The following MAP1A variants were observed in gnomAD, a reference collection of about 807,000 sequenced individuals.
MAP1A encodes microtubule-associated protein 1A.
A neutral mutation model predicts 185.9 loss-of-function variants in MAP1A; 42 were observed. The ratio of observed to expected loss-of-function variants is 0.23; its 90% CI spans 0.18 to 0.29. MAP1A has a LOEUF of 0.29. MAP1A is among the 10% of genes least tolerant of loss of function. The pLI is 1.00. For missense variants in MAP1A, 2,995 were observed against 3,450.4 expected, an observed-to-expected ratio of 0.87 and a Z score of 3.31; for synonymous variants, 1,229 against 1,335.9, an observed-to-expected ratio of 0.92 and a Z score of 1.74.
In MAP1A at chr15:43,524,546, C is replaced by A. The variant is rs1894288; in HGVS notation, c.3073C>A (p.Gln1025Lys). The change falls in exon 4 of 6, where the codon CAG becomes AAG. Residue 1025 changes from glutamine to lysine, a missense_variant. Gln to Lys is a moderately conservative substitution (Grantham distance 53, BLOSUM62 1). Around this residue, in one of 3 missense-constraint regions of MAP1A, gnomAD observed 2,728 missense variants for 2,986.0 expected, o/e 0.91. Transcript: ENST00000300231. ...AGAAAAGTCTGAGCCCCAAGACTTT[C>A]AGGAGGCAGACTCCTGGGGAGACAC... Reference protein sequence around the residue: ...VEEKSEPQDFQEADSWGDTKR... With the variant: ...VEEKSEPQDFKEADSWGDTKR... 2.5e-6 allele frequency: 4 copies of A among 1,614,144 alleles called. No homozygotes were observed. Among genetic ancestry groups the A allele is most frequent in the Non-Finnish European group, 8.5e-7 (1 of 1,180,022 alleles).
rs1483312398 is a variant in MAP1A, at chr15:43,525,923, G to T, written c.4450G>T (p.Val1484Phe). 6 of 1,613,830 alleles carry T rather than the reference G, an allele frequency of 3.7e-6. No homozygotes were observed. Among genetic ancestry groups the T allele is most frequent in the African/African-American group, 1.3e-5 (1 of 74,920 alleles). Residue 1484 changes from valine to phenylalanine, a missense_variant, in exon 4 of 6, where the codon GTC becomes TTC. Val to Phe is a conservative substitution (Grantham distance 50, BLOSUM62 -1). This residue lies in a region of MAP1A where 2,728 missense variants were observed against 2,986.0 expected (regional missense o/e 0.91). Coordinates refer to ENST00000300231, the MANE Select transcript of MAP1A (RefSeq NM_002373.6). ...TAAAGACTTGGAACAAAAGGACAGG[G>T]TCCTAGAACAGAAGGAGAAGATCCC... ...KDKDLEQKDR[V>F]LEQKEKIPEE...
Position 43,527,734 on chromosome 15 carries a change from T to C in MAP1A, c.6261T>C (p.Asp2087=). 2 of 1,609,952 alleles carry C rather than the reference T, an allele frequency of 1.2e-6. No homozygotes were observed. Among genetic ancestry groups the C allele is most frequent in the Non-Finnish European group, 1.7e-6 (2 of 1,178,644 alleles). Residue 2087 remains aspartate (D), a synonymous_variant, in exon 4 of 6, where the codon GAT becomes GAC. Coordinates refer to ENST00000300231, the MANE Select transcript of MAP1A (RefSeq NM_002373.6). ...GTAACATCCTGAGCTGCAGCCCAGA[T>C]AGGAGGTCCCCATCCCCCAAGGAAT... ...LNGNILSCSP[D]RRSPSPKESG...
At position 43,523,099 on chromosome 15, in the gene MAP1A, G is replaced by C; in HGVS notation, c.1626G>C (p.Glu542Asp). The C allele has an allele frequency of 6.2e-7, 1 of 1,614,218 alleles. No individual in the cohort carries two copies. Among genetic ancestry groups the C allele is most frequent in the Non-Finnish European group, 8.5e-7 (1 of 1,180,036 alleles). The change falls in exon 4 of 6, where the codon GAG becomes GAC. Residue 542 changes from glutamate (E) to aspartate (D), a missense_variant. Around this residue, in one of 3 missense-constraint regions of MAP1A, gnomAD observed 2,728 missense variants for 2,986.0 expected, o/e 0.91. Transcript: ENST00000300231. ...TQDFEEMKRE[E>D]RALLAEQRDT... ...ACTTTGAGGAGATGAAGCGTGAGGA[G>C]AGGGCTTTGCTGGCTGAACAAAGGG... is the stretch of plus-strand genomic sequence containing the variant.
chr15:43,525,686 G>A lies in MAP1A; in HGVS notation c.4213G>A (p.Asp1405Asn). Residue 1405 changes from aspartate (D) to asparagine (N), a missense_variant, in exon 4 of 6, where the codon GAT (aspartate) becomes AAT (asparagine). Coordinates refer to ENST00000300231, the MANE Select transcript of MAP1A (RefSeq NM_002373.6). ...HVKNEAVKQQ[D>N]KALEQKGRDL... is the part of the protein sequence containing the mutation. The stretch of plus-strand genomic sequence containing the variant: ...AAAGAATGAGGCTGTGAAACAGCAG[G>A]ATAAGGCTTTAGAACAAAAGGGCAG... 6.2e-7 allele frequency: 1 copy of A among 1,614,138 alleles called. No individual in the cohort carries two copies. Among genetic ancestry groups the A allele is most frequent in the Non-Finnish European group, 8.5e-7 (1 of 1,180,028 alleles).
upstream of MAP1A, among the ~76,000 whole-genome samples, chr15:43,514,947 G>A (rs2079292827): frequency 6.6e-6 from 1 of 152,212 alleles, no homozygotes; most frequent in Non-Finnish European, 1.5e-5. Flanking sequence ...CGGGCATGGT[G>A]GCTTATGCCT....
In MAP1A at chr15:43,526,785, G is replaced by C. The variant is rs200045630; in HGVS notation, c.5312G>C (p.Arg1771Pro). The C allele has an allele frequency of 1.9e-6, 3 of 1,614,118 alleles. No individual in the cohort carries two copies. The highest frequency in any genetic ancestry group is 2.5e-6 in the Non-Finnish European group (3 of 1,180,012). Residue 1771 changes from arginine (R) to proline (P), a missense_variant, in exon 4 of 6, where the codon CGC becomes CCC. This residue lies in a region of MAP1A where 2,728 missense variants were observed against 2,986.0 expected (regional missense o/e 0.91). Coordinates refer to ENST00000300231, the MANE Select transcript of MAP1A (RefSeq NM_002373.6). This position sits in a 1 kb window ranked among gnomAD's most constrained non-coding sequence, Gnocchi z 4.7. ...SSPQKGLEVE[R>P]WLAESPVGLP... ...CCACAGAAGGGGCTAGAGGTGGAGCGCTGGCTTGCTGAATCACCAGTTGGG... is the reference window on the plus strand; with the variant it reads ...CCACAGAAGGGGCTAGAGGTGGAGCCCTGGCTTGCTGAATCACCAGTTGGG...
At chr15:43,512,754 C>T (rs1462487951), upstream of MAP1A, among the ~76,000 whole-genome samples, 2 of 152,126 alleles carry the variant, frequency 1.3e-5, no homozygotes, top group Non-Finnish European at 1.5e-5. Flanking sequence ...GTTCCTGCTT[C>T]GGCTTAGCCA....
At position 43,530,619 on chromosome 15, in the gene MAP1A, G is replaced by T; in HGVS notation, c.*395G>T. 1 of 180,322 alleles carries T rather than the reference G, an allele frequency of 5.5e-6. No individual in the cohort carries two copies. The highest frequency in any genetic ancestry group is 1.2e-5 in the Non-Finnish European group (1 of 84,460). 11.2% of individuals were successfully genotyped at this position (180,322 alleles called of 1,614,324 possible). A position where few individuals can be genotyped will look rare whatever the true frequency, so the allele number is the denominator to read the frequency against. On this transcript the variant is annotated 3_prime_UTR_variant, in exon 6 of 6. Transcript: ENST00000300231. Reference sequence around the variant, plus strand: ...CTCTTTATCTCAATCTATTTATTTGGCATCCTGGGAGGGATTTCCAATAGT... The same window carrying T: ...CTCTTTATCTCAATCTATTTATTTGTCATCCTGGGAGGGATTTCCAATAGT...
Position 43,531,371 on chromosome 15 carries a change from C to G in MAP1A, c.*1147C>G, listed in dbSNP as rs953341305. ...CCCCAGGAGAGGACCTCGCCCCAAG[C>G]AAGCCAGTGAGCAGCCCTGCCAGAC... On this transcript the variant is annotated 3_prime_UTR_variant, in exon 6 of 6. Coordinates refer to ENST00000300231, the MANE Select transcript of MAP1A (RefSeq NM_002373.6). The G allele has an allele frequency of 6.5e-6, 1 of 152,724 alleles. No homozygotes were observed. The highest frequency in any genetic ancestry group is 2.4e-5 in the African/African-American group (1 of 41,462). The allele number at this position is 152,724 out of a possible 1,614,324, so 9.5% of individuals were successfully genotyped here. A position where few individuals can be genotyped will look rare whatever the true frequency, so the allele number is the denominator to read the frequency against.
At chr15:43,512,850 T>A (rs1036197725), upstream of MAP1A, among the ~76,000 whole-genome samples, 7 of 152,160 alleles carry the variant, frequency 4.6e-5, no homozygotes, top group Non-Finnish European at 1.0e-4. Flanking sequence ...GGCTCCTGAA[T>A]TTACTGCTAC....
Position 43,522,093 on chromosome 15 carries a change from A to G in MAP1A, c.620A>G (p.Lys207Arg). ...GACATGTATGTCCTCAACCCTGTCA[A>G]GGACAGCAAGGAGATGCAGTTCCTC... ...RLDMYVLNPV[K>R]DSKEMQFLMQ... Residue 207 changes from lysine (K) to arginine (R), a missense_variant, in exon 4 of 6, where the codon AAG becomes AGG. Physicochemically the swap from Lys to Arg is conservative, Grantham distance 26. Transcript: ENST00000300231. This position sits in a 1 kb window ranked among gnomAD's most constrained non-coding sequence, Gnocchi z 5.9. 1 of 1,614,240 alleles carries G rather than the reference A, an allele frequency of 6.2e-7. No individual in the cohort carries two copies. The highest frequency in any genetic ancestry group is 8.5e-7 in the Non-Finnish European group (1 of 1,180,038).
In MAP1A at chr15:43,523,524, A is replaced by G. The variant is rs1438711370; in HGVS notation, c.2051A>G (p.His684Arg). The G allele has an allele frequency of 1.9e-6, 3 of 1,614,176 alleles. No individual in the cohort carries two copies. The highest frequency in any genetic ancestry group is 2.5e-6 in the Non-Finnish European group (3 of 1,180,014). ...ATKAEGFYQKHMQEPLKVTPR... is the reference protein window; with the variant it reads ...ATKAEGFYQKRMQEPLKVTPR... The stretch of plus-strand genomic sequence containing the variant: ...AAAGCTGAGGGTTTTTACCAAAAAC[A>G]TATGCAGGAACCCTTGAAGGTAACT... Residue 684 changes from histidine (H) to arginine (R), a missense_variant, in exon 4 of 6, where the codon CAT (histidine) becomes CGT (arginine). Around this residue, in one of 3 missense-constraint regions of MAP1A, gnomAD observed 2,728 missense variants for 2,986.0 expected, o/e 0.91. Coordinates refer to ENST00000300231, the MANE Select transcript of MAP1A (RefSeq NM_002373.6).
rs116121199 is a variant in MAP1A, at chr15:43,527,326, G to A, written c.5853G>A (p.Pro1951=). 619 of 1,614,170 alleles carry A rather than the reference G, an allele frequency of 3.8e-4. No homozygotes were observed. The African/African-American group carries it at 6.5e-3, about 17-fold the overall frequency. ...HATTEPEQTE[P]EQREPTPYPD... ...CCACGGAGCCTGAGCAGACTGAGCC[G>A]GAGCAGAGAGAGCCCACACCCTATC... Residue 1951 remains proline (P), a synonymous_variant, in exon 4 of 6, where the codon CCG becomes CCA. Transcript: ENST00000300231.
upstream of MAP1A, among the ~76,000 whole-genome samples, chr15:43,516,785 A>T (rs1259805633): frequency 6.6e-6 from 1 of 152,214 alleles, no homozygotes; most frequent in Non-Finnish European, 1.5e-5. Flanking sequence ...TACATTTAAT[A>T]ATTGGCCTAC....
At position 43,521,195 on chromosome 15, in the gene MAP1A, G is replaced by A; in HGVS notation, c.-151+83G>A. On this transcript the variant is annotated intron_variant, in intron 3 of 5. Coordinates refer to ENST00000300231, the MANE Select transcript of MAP1A (RefSeq NM_002373.6). This position sits in a 1 kb window ranked among gnomAD's most constrained non-coding sequence, Gnocchi z 4.6. ...TCTAAGGGAAAGTCTCATATTGCAT[G>A]ACCATGGGGGGCCCTGGCAGAAAGG... 6.8e-7 allele frequency: 1 copy of A among 1,478,138 alleles called. No individual in the cohort carries two copies. The allele number at this position is 1,478,138 out of a possible 1,614,324, so 91.6% of individuals were successfully genotyped here.
chr15:43,528,037 G>A lies in MAP1A; in HGVS notation c.6564G>A (p.Ser2188=). 11 of 1,613,840 alleles carry A rather than the reference G, an allele frequency of 6.8e-6. No homozygotes were observed. The highest frequency in any genetic ancestry group is 7.6e-6 in the Non-Finnish European group (9 of 1,180,000). ...PQLPSPAEPR[S]APCGSLAFSG... ...TGCCCTCTCCAGCTGAACCCCGCTC[G>A]GCACCCTGTGGCTCCCTTGCCTTCT... The change falls in exon 4 of 6, where the codon TCG becomes TCA. Residue 2188 remains serine (S), a synonymous_variant. Transcript: ENST00000300231.
chr15:43,521,727 T>C lies in MAP1A; in HGVS notation c.254T>C (p.Val85Ala). ...CGGCACTTGGACCGCATTGACTCGG[T>C]GCTACTCACACACATTGGGGCAGAC... Reference protein sequence around the residue: ...LVRHLDRIDSVLLTHIGADNL... With the variant: ...LVRHLDRIDSALLTHIGADNL... The change falls in exon 4 of 6, where the codon GTG becomes GCG. Residue 85 changes from valine to alanine, a missense_variant. Around this residue, in one of 3 missense-constraint regions of MAP1A, gnomAD observed 264 missense variants for 435.3 expected, o/e 0.61. Coordinates refer to ENST00000300231, the MANE Select transcript of MAP1A (RefSeq NM_002373.6). This position sits in a 1 kb window ranked among gnomAD's most constrained non-coding sequence, Gnocchi z 4.6. 6.2e-7 allele frequency: 1 copy of C among 1,614,208 alleles called. No individual in the cohort carries two copies. Among genetic ancestry groups the C allele is most frequent in the Non-Finnish European group, 8.5e-7 (1 of 1,180,034 alleles).
chr15:43,526,035 G>C lies in MAP1A; in HGVS notation c.4562G>C (p.Arg1521Thr). ...PEDTVAEMKD[R>T]DLEQTDKAPE... Reference sequence around the variant, plus strand: ...GACACGGTCGCTGAAATGAAGGACAGAGACCTAGAACAGACAGACAAAGCC... The same window carrying C: ...GACACGGTCGCTGAAATGAAGGACACAGACCTAGAACAGACAGACAAAGCC... Residue 1521 changes from arginine to threonine, a missense_variant, in exon 4 of 6, where the codon AGA becomes ACA. Coordinates refer to ENST00000300231, the MANE Select transcript of MAP1A (RefSeq NM_002373.6). The surrounding 1 kb of genome is among the most constrained non-coding windows in gnomAD (Gnocchi z 4.7). 1 of 1,613,636 alleles carries C rather than the reference G, an allele frequency of 6.2e-7. No homozygotes were observed. Among genetic ancestry groups the C allele is most frequent in the Non-Finnish European group, 8.5e-7 (1 of 1,179,926 alleles).
In MAP1A at chr15:43,523,620, C is replaced by T. The variant is rs750564588; in HGVS notation, c.2147C>T (p.Ser716Leu). The T allele has an allele frequency of 8.7e-6, 14 of 1,614,078 alleles. No homozygotes were observed. The highest frequency in any genetic ancestry group is 1.6e-4 in the Middle Eastern group (1 of 6,062). ...GGCAAGGCCCCTGAGAAGGAGACCT[C>T]GTTATTCCTAAGCAGCCTGACCACA... is the stretch of plus-strand genomic sequence containing the variant. ...LQGKAPEKET[S>L]LFLSSLTTPA... is the part of the protein sequence containing the mutation. Residue 716 changes from serine to leucine, a missense_variant, in exon 4 of 6, where the codon TCG (serine) becomes TTG (leucine). Transcript: ENST00000300231.
Sources: allele counts gnomAD v4.1 joint callset (sites outside exome capture counted in the v4.1 genomes callset), GRCh38; gene constraint gnomAD v4.1.1; regional missense constraint gnomAD v4.1.1; non-coding constraint Gnocchi (gnomAD v3.1); transcripts MANE v1.5; gene names NCBI Gene and HGNC (gene_info 2026-07-23, HGNC 2026-07-21).